Variants in MAGI2 observed in about 807,000 individuals in gnomAD.
MAGI2 encodes the protein membrane-associated guanylate kinase, WW and PDZ domain-containing protein 2.
A neutral mutation model predicts 133.3 loss-of-function variants in MAGI2; 35 were observed. The ratio of observed to expected loss-of-function variants is 0.26; its 90% CI spans 0.20 to 0.35. MAGI2 has a LOEUF of 0.35. MAGI2 is among the 10% of genes least tolerant of loss of function. MAGI2 has a pLI of 1.00. For missense variants in MAGI2, 1,636 were observed against 1,863.4 expected (o/e 0.88, Z 2.25); for synonymous variants, 729 against 710.6 (o/e 1.03, Z -0.41).
chr7:78,860,782 G>A (rs1442223533), intron 2 of MAGI2, among the ~76,000 whole-genome samples: 3 of 152,088 alleles, frequency 2.0e-5, no homozygotes, highest in African/African-American at 7.2e-5. Context: ...TGTCAGAGAG[G>A]GACATTAAGT....
At chr7:78,339,873 G>T (rs1303843297) in intron 9 of MAGI2, among the ~76,000 whole-genome samples, 2 of 152,124 alleles carry the variant, frequency 1.3e-5, no homozygotes, top group Non-Finnish European at 2.9e-5. Flanking sequence ...CTTTTAAGGA[G>T]ATATAATATG....
At chr7:78,430,788 A>T (rs1234242830) in intron 6 of MAGI2, among the ~76,000 whole-genome samples, 1 of 152,006 alleles carries the variant, frequency 6.6e-6, no homozygotes, top group Non-Finnish European at 1.5e-5. Context: ...TAGGCCTTCG[A>T]GTTTGCTGTG....
intron 20 of MAGI2, among the ~76,000 whole-genome samples, chr7:78,089,622 C>A (rs112956454): frequency 6.6e-6 from 1 of 152,112 alleles, no homozygotes; most frequent in African/African-American, 2.4e-5. Flanking sequence ...AGAGGAGTGG[C>A]GTCAGGGTTA....
chr7:78,773,328 A>C (rs1270392067), intron 2 of MAGI2, among the ~76,000 whole-genome samples: 4 of 149,750 alleles, frequency 2.7e-5, no homozygotes, highest in African/African-American at 7.3e-5. Flanking sequence ...GGCCAGTCCC[A>C]AAAAAAAAAA....
chr7:78,944,256 C>T (rs1801221468), intron 2 of MAGI2, among the ~76,000 whole-genome samples: 1 of 152,164 alleles, frequency 6.6e-6, no homozygotes, highest in South Asian at 2.1e-4. Flanking sequence ...CTCCTCACTT[C>T]ATCCCTCACA....
intron 2 of MAGI2, among the ~76,000 whole-genome samples, chr7:78,742,069 T>A (rs1009782391): frequency 3.3e-5 from 5 of 151,930 alleles, no homozygotes; most frequent in African/African-American, 1.2e-4. Context: ...TTGCATTGGG[T>A]AGAACCGTAC....
At chr7:78,297,842 G>A (rs1584774901) in intron 9 of MAGI2, among the ~76,000 whole-genome samples, 2 of 71,218 alleles carry the variant, frequency 2.8e-5, no homozygotes, top group South Asian at 1.3e-3. Context: ...GGTGGGGGGA[G>A]GGGGAGGGGG....
At chr7:78,897,195 T>A (rs1293690807) in intron 2 of MAGI2, among the ~76,000 whole-genome samples, 1 of 152,188 alleles carries the variant, frequency 6.6e-6, no homozygotes, top group Non-Finnish European at 1.5e-5. Context: ...AAGGAACACT[T>A]CTGAAGGAAA....
At chr7:78,284,691 T>C (rs565208199) in intron 9 of MAGI2, among the ~76,000 whole-genome samples, 1 of 152,242 alleles carries the variant, frequency 6.6e-6, no homozygotes, top group African/African-American at 2.4e-5. Context: ...TGAATTCTAA[T>C]TTGACTCCAG....
intron 5 of MAGI2, among the ~76,000 whole-genome samples, chr7:78,497,595 A>T (rs979121619): frequency 1.3e-4 from 20 of 152,130 alleles, no homozygotes; most frequent in Non-Finnish European, 2.6e-4. Flanking sequence ...ATTATTGCAT[A>T]AAAAAAGACA....
At chr7:79,058,410 A>G (rs952988650) in intron 1 of MAGI2, among the ~76,000 whole-genome samples, 2 of 152,060 alleles carry the variant, frequency 1.3e-5, no homozygotes, top group East Asian at 3.9e-4. Flanking sequence ...CTGAGAAAGT[A>G]GAAAAACATT....
intron 1 of MAGI2, among the ~76,000 whole-genome samples, chr7:79,219,658 G>A (rs1830290461): frequency 6.6e-6 from 1 of 152,034 alleles, no homozygotes. Context: ...AAATGAATGA[G>A]ACATATATTG....
At chr7:78,487,659 C>T (rs955754788) in intron 6 of MAGI2, among the ~76,000 whole-genome samples, 42 of 152,198 alleles carry the variant, frequency 2.8e-4, no homozygotes, top group African/African-American at 9.4e-4. Context: ...AAACTCAACC[C>T]AACCTCACGT....
chr7:79,222,361 A>G (rs1830503694), intron 1 of MAGI2, among the ~76,000 whole-genome samples: 1 of 152,116 alleles, frequency 6.6e-6, no homozygotes, highest in African/African-American at 2.4e-5. Context: ...AAATGAAGCA[A>G]TATTATATTA....
intron 3 of MAGI2, among the ~76,000 whole-genome samples, chr7:78,623,022 G>C (rs192485922): frequency 4.5e-4 from 68 of 152,094 alleles, no homozygotes; most frequent in African/African-American, 1.6e-3. Context: ...ACAAAACTTG[G>C]TTATGTTCAT....
intron 21 of MAGI2, among the ~76,000 whole-genome samples, chr7:78,073,488 A>G (rs1814937872): frequency 1.3e-5 from 2 of 151,886 alleles, no homozygotes; most frequent in Admixed American, 1.3e-4. Flanking sequence ...GCTTTTTAAG[A>G]GAATAAACAG....
At chr7:79,171,766 A>ATTTTT (rs1259287214) in intron 1 of MAGI2, among the ~76,000 whole-genome samples, 3 of 23,256 alleles carry the variant, frequency 1.3e-4, no homozygotes, top group African/African-American at 1.8e-4. Context: ...ATATATATAT[A>ATTTTT]TATATTTTTT....
chr7:78,740,106 A>G (rs1822262081), intron 2 of MAGI2, among the ~76,000 whole-genome samples: 1 of 151,734 alleles, frequency 6.6e-6, no homozygotes, highest in Admixed American at 6.6e-5. Context: ...GCTTGCAGTG[A>G]GCCGAGATCG....
Position 78,201,163 on chromosome 7 carries a change from G to T in MAGI2, c.2078C>A (p.Pro693His). Reference sequence around the variant, plus strand: ...AGAAGCATAATAATTCCAACTTACAGGCTTTGGAGTTTTCCATGGAGAAAA... The same window carrying T: ...AGAAGCATAATAATTCCAACTTACATGCTTTGGAGTTTTCCATGGAGAAAA... Reference protein sequence around the residue: ...GFFSPWKTPKPIMDRWENQGS... With the variant: ...GFFSPWKTPKHIMDRWENQGS... The change falls in exon 11 of 22, where the codon CCT becomes CAT. Residue 693 changes from proline (P) to histidine (H), a missense_variant and splice_region_variant. Physicochemically the swap from Pro to His is moderately conservative, Grantham distance 77. This residue lies in a region of MAGI2 where 920 missense variants were observed against 1,093.5 expected (regional missense o/e 0.84). Coordinates refer to ENST00000354212, the MANE Select transcript of MAGI2 (RefSeq NM_012301.4). 6.7e-7 allele frequency: 1 copy of T among 1,484,246 alleles called. No individual in the cohort carries two copies. 91.9% of individuals were successfully genotyped at this position (1,484,246 alleles called of 1,614,324 possible).
Sources: gnomAD v4.1 joint callset for allele counts (sites outside exome capture counted in the v4.1 genomes callset) on GRCh38, gnomAD v4.1.1 for gene constraint, gnomAD v4.1.1 regional missense constraint, MANE v1.5 for transcripts, NCBI Gene and HGNC (gene_info 2026-07-23, HGNC 2026-07-21) for gene names.